GABRB1: variants seen among roughly 807,000 people sequenced by gnomAD.
The protein encoded by GABRB1 is gamma-aminobutyric acid receptor subunit beta-1.
In GABRB1, 17 loss-of-function variants were observed where a neutral mutation model predicts 51.6. That is an observed-to-expected ratio of 0.33 (90% confidence interval 0.23 to 0.49). GABRB1 has a LOEUF of 0.49. GABRB1 is among the 20% of genes least tolerant of loss of function. The pLI is 0.99. For synonymous variants in GABRB1, 247 were observed against 218.9 expected (o/e 1.13, Z -1.14); for missense variants, 410 against 600.6 (o/e 0.68, Z 3.32).
chr4:47,287,980 A>T (rs1222082190), intron 4 of GABRB1, among the ~76,000 whole-genome samples: 2 of 152,188 alleles, frequency 1.3e-5, no homozygotes, highest in Admixed American at 1.3e-4. Context: ...CCAGCCAGCA[A>T]CTTGATTGCA....
intron 5 of GABRB1, among the ~76,000 whole-genome samples, chr4:47,355,463 C>T (rs728292): frequency 0.41 from 62,402 of 151,868 alleles, 13,364 homozygotes; most frequent in Middle Eastern, 0.46. Flanking sequence ...AATGAAGGGA[C>T]TCAGTTTTCA....
chr4:47,090,928 T>A (rs1728264614), intron 3 of GABRB1, among the ~76,000 whole-genome samples: 1 of 152,196 alleles, frequency 6.6e-6, no homozygotes, highest in Non-Finnish European at 1.5e-5. Flanking sequence ...ATGTCCATCA[T>A]CTCCTCGAAG....
chr4:47,262,738 T>G (rs1199676507), intron 4 of GABRB1, among the ~76,000 whole-genome samples: 1 of 152,104 alleles, frequency 6.6e-6, no homozygotes, highest in Admixed American at 6.6e-5. Context: ...TAAAGACACA[T>G]GCACACATAT....
intron 3 of GABRB1, among the ~76,000 whole-genome samples, chr4:47,104,082 G>C (rs1327949470): frequency 6.6e-6 from 1 of 151,802 alleles, no homozygotes; most frequent in African/African-American, 2.4e-5. Flanking sequence ...TAGTGCAAGA[G>C]TAGTGGTAAT....
At chr4:47,123,961 G>A (rs1216338309) in intron 3 of GABRB1, among the ~76,000 whole-genome samples, 1 of 110,272 alleles carries the variant, frequency 9.1e-6, no homozygotes, top group African/African-American at 3.6e-5. Flanking sequence ...TCATATATAT[G>A]TATAAATGCA....
At chr4:47,106,289 G>A (rs1026594070) in intron 3 of GABRB1, among the ~76,000 whole-genome samples, 1 of 152,040 alleles carries the variant, frequency 6.6e-6, no homozygotes, top group Non-Finnish European at 1.5e-5. Flanking sequence ...GAACAACACA[G>A]TGAAGACTCC....
chr4:47,307,687 C>T (rs546365692), intron 4 of GABRB1, among the ~76,000 whole-genome samples: 22 of 151,942 alleles, frequency 1.4e-4, no homozygotes, highest in Middle Eastern at 3.4e-3. Context: ...ATCTATACTG[C>T]GATACTTTTC....
intron 5 of GABRB1, among the ~76,000 whole-genome samples, chr4:47,396,896 TTTTAA>T (rs1728195921): frequency 6.6e-6 from 1 of 152,214 alleles, no homozygotes; most frequent in South Asian, 2.1e-4. Context: ...ACAGTTTTAA[TTTTAA>T]TTTGAGTTTC....
intron 3 of GABRB1, among the ~76,000 whole-genome samples, chr4:47,090,594 G>A (rs542736620): frequency 6.6e-6 from 1 of 152,252 alleles, no homozygotes; most frequent in East Asian, 1.9e-4. Context: ...TTTCTCTCAA[G>A]AATTAAAGCC....
At chr4:47,303,188 C>T (rs1724326489) in intron 4 of GABRB1, among the ~76,000 whole-genome samples, 1 of 151,784 alleles carries the variant, frequency 6.6e-6, no homozygotes, top group South Asian at 2.1e-4. Context: ...AACCTCTGTG[C>T]ATTTTGTAAT....
intron 4 of GABRB1, among the ~76,000 whole-genome samples, chr4:47,279,959 T>C (rs1444697052): frequency 4.6e-5 from 7 of 151,962 alleles, no homozygotes; most frequent in Admixed American, 4.6e-4. Context: ...CTTGATGTCT[T>C]TGGGTTGGAG....
At chr4:47,041,895 T>C (rs989810261) in intron 3 of GABRB1, among the ~76,000 whole-genome samples, 1 of 152,028 alleles carries the variant, frequency 6.6e-6, no homozygotes, top group African/African-American at 2.4e-5. Flanking sequence ...TAGGTCTACT[T>C]CAAATCGTAT....
chr4:47,176,085 G>A (rs1718684119), intron 4 of GABRB1, among the ~76,000 whole-genome samples: 1 of 152,048 alleles, frequency 6.6e-6, no homozygotes, highest in African/African-American at 2.4e-5. Context: ...CATTAGCAAA[G>A]GGAGCACACA....
Position 47,147,337 on chromosome 4 carries a change from C to G in GABRB1, c.241-13912C>G, listed in dbSNP as rs1018551598. Among the ~76,000 whole-genome samples the G allele has an allele frequency of 5.3e-5, 8 of 151,996 alleles. No homozygotes were observed. The East Asian group carries it at 1.4e-3, about 26-fold the overall frequency. On this transcript the variant is annotated intron_variant, in intron 3 of 8. Transcript: ENST00000295454. ...TTTATACAACCTCATATTCCTCTGC[C>G]TTCATTCAGACTAATAGAGTGTTTC...
At chr4:47,417,692 A>G (rs942098779) in intron 8 of GABRB1, among the ~76,000 whole-genome samples, 3 of 152,200 alleles carry the variant, frequency 2.0e-5, no homozygotes, top group Admixed American at 1.3e-4. Context: ...TTCTGTAGCC[A>G]GCTCCACTTC....
intron 8 of GABRB1, among the ~76,000 whole-genome samples, chr4:47,423,629 A>T (rs541421304): frequency 6.6e-6 from 1 of 152,232 alleles, no homozygotes; most frequent in South Asian, 2.1e-4. Flanking sequence ...CAAAGTACAA[A>T]GGTACACAAA....
At chr4:47,236,250 A>T (rs1721329243) in intron 4 of GABRB1, among the ~76,000 whole-genome samples, 1 of 152,122 alleles carries the variant, frequency 6.6e-6, no homozygotes, top group African/African-American at 2.4e-5. Context: ...TTATTCTAAG[A>T]CACTTTGCTA....
intron 5 of GABRB1, among the ~76,000 whole-genome samples, chr4:47,362,195 C>G (rs1469273210): frequency 6.6e-6 from 1 of 151,884 alleles, no homozygotes; most frequent in African/African-American, 2.4e-5. Context: ...GCTGACTGGT[C>G]AAAGAAAATG....
intron 3 of GABRB1, among the ~76,000 whole-genome samples, chr4:47,057,383 G>C (rs558678295): frequency 6.6e-6 from 1 of 152,282 alleles, no homozygotes; most frequent in South Asian, 2.1e-4. Flanking sequence ...TATTTAAAAA[G>C]AATTTCCCTA....
Sources: gnomAD v4.1 joint callset for allele counts (sites outside exome capture counted in the v4.1 genomes callset) on GRCh38, gnomAD v4.1.1 for gene constraint, MANE v1.5 for transcripts, NCBI Gene and HGNC (gene_info 2026-07-23, HGNC 2026-07-21) for gene names.